Variants in DENND6A observed in about 807,000 individuals in gnomAD.
DENND6A encodes the protein protein DENND6A.
Under a neutral mutation model 95.5 loss-of-function variants are expected in DENND6A, and 43 were observed. That is an observed-to-expected ratio of 0.45 (90% CI 0.35 to 0.58). DENND6A has a LOEUF of 0.58. DENND6A is among the 20% of genes least tolerant of loss of function. DENND6A has a pLI of 0.00. For missense variants in DENND6A, 574 were observed against 736.0 expected, an observed-to-expected ratio of 0.78 and a Z score of 2.55; for synonymous variants, 257 against 260.4, an observed-to-expected ratio of 0.99 and a Z score of 0.13.
At chr3:57,685,378 T>C (rs1284010134) in intron 1 of DENND6A, among the ~76,000 whole-genome samples, 1 of 152,210 alleles carries the variant, frequency 6.6e-6, no homozygotes, top group African/African-American at 2.4e-5. Context: ...TCAGGTTGAG[T>C]ATTCCTTATC....
At chr3:57,669,881 G>A (rs1361361979) in intron 3 of DENND6A, among the ~76,000 whole-genome samples, 1 of 151,304 alleles carries the variant, frequency 6.6e-6, no homozygotes, top group East Asian at 1.9e-4. Context: ...AATTAGCCAG[G>A]CATGGTGGCA....
rs55695630 is a variant in DENND6A at position 57,687,929 on chromosome 3, C to CAAA, written c.237+4850_237+4852dup. Among the ~76,000 whole-genome samples the CAAA allele has an allele frequency of 7.1e-4, 96 of 135,884 alleles. 1 individual carries two copies. The East Asian group carries it at 9.1e-3, about 13-fold the overall frequency. The allele number at this position is 135,884 out of a possible 152,430, so 89.1% of individuals were successfully genotyped here. The stretch of plus-strand genomic sequence containing the variant: ...CCTGGGTGACAGAGTAAGACCACCT[C>CAAA]AAAAAAAAAAAAAAGAAAAGAACAT... On this transcript the variant is annotated intron_variant, in intron 1 of 19. Coordinates refer to ENST00000311128, the MANE Select transcript of DENND6A (RefSeq NM_152678.3).
rs370703177 is a variant in DENND6A, at chr3:57,631,969, G to A, written c.1354-991C>T. On this transcript the variant is annotated intron_variant, in intron 15 of 19. Transcript: ENST00000311128. Reference sequence around the variant, plus strand: ...GATCTCCTGACCTCGTGATCCGCCCGCCTCGGCCTCCCAAAGTGCTGGGAT... The same window carrying A: ...GATCTCCTGACCTCGTGATCCGCCCACCTCGGCCTCCCAAAGTGCTGGGAT... Among the ~76,000 whole-genome samples the A allele has an allele frequency of 4.8e-3, 692 of 144,912 alleles. 5 individuals are homozygous for A. The highest frequency in any genetic ancestry group is 0.015 in the African/African-American group (592 of 39,118).
chr3:57,650,785 A>T (rs2071192221), intron 9 of DENND6A, among the ~76,000 whole-genome samples: 2 of 143,024 alleles, frequency 1.4e-5, no homozygotes, highest in East Asian at 2.0e-4. Context: ...TCCACATGGA[A>T]TTTTTTTTTT....
chr3:57,654,291 C>A (rs1416082701), intron 9 of DENND6A, among the ~76,000 whole-genome samples: 1 of 152,038 alleles, frequency 6.6e-6, no homozygotes, highest in Non-Finnish European at 1.5e-5. Flanking sequence ...GTGGTTTCAA[C>A]CTTTTGAGAA....
chr3:57,649,605 C>T (rs554532460), intron 9 of DENND6A, among the ~76,000 whole-genome samples: 1 of 150,358 alleles, frequency 6.7e-6, no homozygotes, highest in Admixed American at 6.6e-5. Flanking sequence ...ATGGAACAAG[C>T]CCAAATGCCC....
chr3:57,673,253 A>T (rs976534842), intron 1 of DENND6A, among the ~76,000 whole-genome samples: 9 of 151,746 alleles, frequency 5.9e-5, no homozygotes, highest in Middle Eastern at 3.2e-3. Flanking sequence ...GAAAAAAAAA[A>T]AATAATGAAA....
At chr3:57,649,235 G>T (rs1271085247) in intron 9 of DENND6A, among the ~76,000 whole-genome samples, 3 of 152,194 alleles carry the variant, frequency 2.0e-5, no homozygotes, top group South Asian at 2.1e-4. Context: ...TATACAAATT[G>T]CCAACAAACA....
At chr3:57,665,362 A>G (rs1487662580) in intron 4 of DENND6A, among the ~76,000 whole-genome samples, 1 of 152,200 alleles carries the variant, frequency 6.6e-6, no homozygotes, top group Non-Finnish European at 1.5e-5. Flanking sequence ...ATAGCCCTCA[A>G]TTCCCTCATC....
intron 3 of DENND6A, among the ~76,000 whole-genome samples, chr3:57,667,908 A>G (rs1198829288): frequency 6.6e-6 from 1 of 152,082 alleles, no homozygotes; most frequent in Admixed American, 6.6e-5. Flanking sequence ...TCTACTAAAA[A>G]TATAAAAATT....
chr3:57,644,480 A>ATT (rs1023466518), intron 11 of DENND6A, among the ~76,000 whole-genome samples: 4 of 149,678 alleles, frequency 2.7e-5, no homozygotes, highest in African/African-American at 9.9e-5. Flanking sequence ...TAATTTTTGT[A>ATT]TTTTTTTTGT....
At chr3:57,663,543 C>T in intron 5 of DENND6A, 93 bp downstream of exon 5, 1 of 681,138 alleles carries the variant, frequency 1.5e-6, no homozygotes, top group Non-Finnish European at 2.3e-6. Context: ...AGATAAAATA[C>T]CAAAGACTTT....
chr3:57,650,916 C>T (rs1686907877), intron 9 of DENND6A, among the ~76,000 whole-genome samples: 1 of 151,978 alleles, frequency 6.6e-6, no homozygotes, highest in African/African-American at 2.4e-5. Context: ...TCCAGAGTAG[C>T]TGGGATTACA....
chr3:57,653,941 CTTT>C (rs1206882170), intron 9 of DENND6A, among the ~76,000 whole-genome samples: 185 of 75,784 alleles, frequency 2.4e-3, no homozygotes, highest in African/African-American at 0.011. Flanking sequence ...TAGAAATTCA[CTTT>C]TTTTTTTTTT....
intron 1 of DENND6A, among the ~76,000 whole-genome samples, chr3:57,676,591 C>A (rs1041977401): frequency 6.6e-6 from 1 of 151,532 alleles, no homozygotes; most frequent in African/African-American, 2.4e-5. Flanking sequence ...ACCTAACACT[C>A]AAAATCAATA....
Position 57,630,403 on chromosome 3 carries a change from AAC to A in DENND6A, c.1620+16_1620+17del, listed in dbSNP as rs765037205. The A allele has an allele frequency of 7.6e-5, 119 of 1,566,590 alleles. No individual in the cohort carries two copies. Among genetic ancestry groups the A allele is most frequent in the Non-Finnish European group, 1.0e-4 (117 of 1,164,830 alleles). On this transcript the variant is annotated intron_variant, in intron 18 of 19. Transcript: ENST00000311128. Reference sequence around the variant, plus strand: ...TTCAACAGTTGTTAATCATTACACAAACACACAGTTTTCGAACCTCTTCACAA... The same window carrying A: ...TTCAACAGTTGTTAATCATTACACAAACACAGTTTTCGAACCTCTTCACAA...
chr3:57,648,546 C>A (rs1277372174), intron 9 of DENND6A, among the ~76,000 whole-genome samples: 2 of 152,080 alleles, frequency 1.3e-5, no homozygotes, highest in South Asian at 4.1e-4. Context: ...CAAAAAAGAG[C>A]CTGCATAGCT....
intron 9 of DENND6A, chr3:57,654,770 A>T: frequency 1.0e-6 from 1 of 985,356 alleles, no homozygotes; most frequent in South Asian, 4.7e-5. Flanking sequence ...TATCTCTGCT[A>T]CTCAAATTCA....
At chr3:57,661,229 C>A (rs765494125) in intron 6 of DENND6A, among the ~76,000 whole-genome samples, 1 of 152,118 alleles carries the variant, frequency 6.6e-6, no homozygotes, top group East Asian at 1.9e-4. Context: ...CTAATAATAA[C>A]AGGCATCATC....
Sources: gnomAD v4.1 joint callset for allele counts (sites outside exome capture counted in the v4.1 genomes callset) on GRCh38, gnomAD v4.1.1 for gene constraint, MANE v1.5 for transcripts, NCBI Gene and HGNC (gene_info 2026-07-23, HGNC 2026-07-21) for gene names.